SLC22A3: variants seen among roughly 807,000 people sequenced by gnomAD.
SLC22A3 encodes solute carrier family 22 member 3, also known as EMT organic cation transporter 3.
In SLC22A3, 51 loss-of-function variants were observed where a neutral mutation model predicts 59.1. That is an observed-to-expected ratio of 0.86 (90% confidence interval 0.69 to 1.09). The LOEUF (loss-of-function observed/expected upper bound fraction) is 1.09. Among genes scored for constraint, SLC22A3 ranks in the 50% least tolerant of loss-of-function variants. The pLI, the probability that SLC22A3 is intolerant of heterozygous loss-of-function variation, is 0.00. For synonymous variants in SLC22A3, 325 were observed against 292.0 expected (o/e 1.11, Z -1.15); for missense variants, 711 against 726.3 (o/e 0.98, Z 0.24).
rs1269442475 is a variant in SLC22A3 at position 160,348,696 on chromosome 6, T to C, written c.277T>C (p.Tyr93His). 31 of 1,514,446 alleles carry C rather than the reference T, an allele frequency of 2.0e-5. No individual in the cohort carries two copies. Among genetic ancestry groups the C allele is most frequent in the Non-Finnish European group, 2.7e-5 (31 of 1,139,028 alleles). 93.8% of individuals were successfully genotyped at this position (1,514,446 alleles called of 1,614,324 possible). A position where few individuals can be genotyped will look rare whatever the true frequency, so the allele number is the denominator to read the frequency against. The part of the protein sequence containing the change: ...PPERRGRCQR[Y>H]LLEAANDSAS... The stretch of plus-strand genomic sequence containing the variant: ...CGAGCGCCGCGGCCGCTGCCAGCGC[T>C]ACCTCCTGGAGGCGGCCAACGACAG... The change falls in exon 1 of 11, where the codon TAC becomes CAC. Residue 93 changes from tyrosine (Y) to histidine (H), a missense_variant. Physicochemically the swap from Tyr to His is moderately conservative, Grantham distance 83 (BLOSUM62 2). Coordinates refer to ENST00000275300, the MANE Select transcript of SLC22A3 (RefSeq NM_021977.4).
chr6:160,442,677 T>G (rs1788591674), intron 7 of SLC22A3, 84 bp from the exon 8 acceptor site: 1 of 1,033,042 alleles, frequency 9.7e-7, no homozygotes. Flanking sequence ...TGGAGGCCAC[T>G]AAGCAAATAC....
chr6:160,388,562 G>T (rs1011940501), intron 1 of SLC22A3, among the ~76,000 whole-genome samples: 3 of 152,130 alleles, frequency 2.0e-5, no homozygotes, highest in African/African-American at 7.2e-5. Flanking sequence ...TTACTAAGTT[G>T]CTGTATGTTT....
At position 160,437,226 on chromosome 6, in the gene SLC22A3, C is replaced by A; in HGVS notation, c.1288+15C>A. The A allele has an allele frequency of 6.2e-7, 1 of 1,613,218 alleles. No homozygotes were observed. Among genetic ancestry groups the A allele is most frequent in the South Asian group, 1.1e-5 (1 of 91,068 alleles). On this transcript the variant is annotated intron_variant, in intron 7 of 10. Coordinates refer to ENST00000275300, the MANE Select transcript of SLC22A3 (RefSeq NM_021977.4). ...CTTACCAGAAGGTAATCTTACCCCA[C>A]ATCTGTTTGGCAGCCAAAGGACTTG... is the stretch of plus-strand genomic sequence containing the variant.
chr6:160,366,092 T>G (rs1785195451), intron 1 of SLC22A3, among the ~76,000 whole-genome samples: 1 of 152,106 alleles, frequency 6.6e-6, no homozygotes, highest in African/African-American at 2.4e-5. Flanking sequence ...AACCATATCA[T>G]TCCACTCCTG....
intron 1 of SLC22A3, among the ~76,000 whole-genome samples, chr6:160,372,635 T>TG (rs1328785683): frequency 6.4e-4 from 98 of 152,356 alleles, no homozygotes; most frequent in Non-Finnish European, 1.0e-3. Context: ...GGTACACCAA[T>TG]CAAACGTAGG....
chr6:160,383,425 G>C (rs2114799635), intron 1 of SLC22A3, among the ~76,000 whole-genome samples: 1 of 152,232 alleles, frequency 6.6e-6, no homozygotes, highest in Non-Finnish European at 1.5e-5. Context: ...TATTGCATCT[G>C]ACCCTGGGGG....
At chr6:160,375,078 C>A (rs1205097886) in intron 1 of SLC22A3, among the ~76,000 whole-genome samples, 1 of 152,152 alleles carries the variant, frequency 6.6e-6, no homozygotes, top group African/African-American at 2.4e-5. Flanking sequence ...ACATGCTCAC[C>A]CAAAACCTTG....
intron 1 of SLC22A3, among the ~76,000 whole-genome samples, chr6:160,366,699 T>C (rs1029624755): frequency 7.9e-5 from 12 of 152,308 alleles, no homozygotes; most frequent in African/African-American, 2.6e-4. Flanking sequence ...TCCATGTGTT[T>C]CCATACATCC....
intron 1 of SLC22A3, among the ~76,000 whole-genome samples, chr6:160,384,572 C>T (rs1785924398): frequency 6.6e-6 from 1 of 152,068 alleles, no homozygotes; most frequent in African/African-American, 2.4e-5. Context: ...GCCAGGGGAG[C>T]CAGTGGGGCT....
At chr6:160,416,446 A>G (rs939963717) in intron 5 of SLC22A3, among the ~76,000 whole-genome samples, 6 of 151,204 alleles carry the variant, frequency 4.0e-5, no homozygotes, top group African/African-American at 1.2e-4. Flanking sequence ...TTTGCATACG[A>G]TAACTTTTAA....
chr6:160,350,103 C>T (rs1784611254), intron 1 of SLC22A3, among the ~76,000 whole-genome samples: 1 of 151,550 alleles, frequency 6.6e-6, no homozygotes. Flanking sequence ...AGGGATAAAA[C>T]CCATGGCAGG....
intron 1 of SLC22A3, among the ~76,000 whole-genome samples, chr6:160,381,857 A>G (rs551428691): frequency 6.6e-6 from 1 of 152,334 alleles, no homozygotes; most frequent in East Asian, 1.9e-4. Context: ...GGTGACAATA[A>G]CACTTCATTT....
At chr6:160,402,745 T>C (rs2114843052) in intron 2 of SLC22A3, among the ~76,000 whole-genome samples, 1 of 151,876 alleles carries the variant, frequency 6.6e-6, no homozygotes, top group African/African-American at 2.4e-5. Context: ...AACAGAAGGA[T>C]AGATGGAAAA....
At chr6:160,426,846 G>C (rs1053634496) in intron 5 of SLC22A3, among the ~76,000 whole-genome samples, 16 of 152,286 alleles carry the variant, frequency 1.1e-4, no homozygotes, top group African/African-American at 3.8e-4. Context: ...CTTGGGTCCT[G>C]GTGTGCAGGC....
chr6:160,387,775 A>G lies in SLC22A3; in HGVS notation c.430-10204A>G, dbSNP rs796421191. On this transcript the variant is annotated intron_variant, in intron 1 of 10. Transcript: ENST00000275300. ...AACTAGTAAAGAAAACCAAACAAAA[A>G]TCCAGAAATGTGCTCAGTTAATAGT... Among the ~76,000 whole-genome samples the G allele has an allele frequency of 5.9e-5, 9 of 152,274 alleles. 1 individual carries two copies. Among genetic ancestry groups the G allele is most frequent in the African/African-American group, 2.2e-4 (9 of 41,534 alleles).
intron 2 of SLC22A3, among the ~76,000 whole-genome samples, chr6:160,404,900 C>T (rs1284585537): frequency 6.7e-6 from 1 of 149,018 alleles, no homozygotes; most frequent in African/African-American, 2.5e-5. Context: ...AGACACAGAC[C>T]TTACACCCTT....
chr6:160,372,161 A>G (rs1785423436), intron 1 of SLC22A3, among the ~76,000 whole-genome samples: 1 of 152,090 alleles, frequency 6.6e-6, no homozygotes, highest in Admixed American at 6.5e-5. Flanking sequence ...GTACTCTTGT[A>G]TTGTGTACAT....
chr6:160,348,743 C>G lies in SLC22A3; in HGVS notation c.324C>G (p.Leu108=), dbSNP rs766552536. The G allele has an allele frequency of 6.5e-7, 1 of 1,536,740 alleles. No individual in the cohort carries two copies. The highest frequency in any genetic ancestry group is 1.2e-5 in the South Asian group (1 of 84,068). Residue 108 remains leucine (L), a synonymous_variant, in exon 1 of 11, where the codon CTC becomes CTG. Transcript: ENST00000275300. The part of the protein sequence containing the change: ...ANDSASATSA[L]SCADPLAAFP... ...ACAGCGCCTCCGCCACTAGCGCTCT[C>G]AGCTGCGCGGACCCACTCGCCGCCT...
chr6:160,360,917 G>A (rs1367951013), intron 1 of SLC22A3, among the ~76,000 whole-genome samples: 1 of 152,152 alleles, frequency 6.6e-6, no homozygotes, highest in Non-Finnish European at 1.5e-5. Context: ...ATATTTATAT[G>A]GAAGAATAAA....
Sources: gnomAD v4.1 joint callset for allele counts (sites outside exome capture counted in the v4.1 genomes callset) on GRCh38, gnomAD v4.1.1 for gene constraint, MANE v1.5 for transcripts, NCBI Gene and HGNC (gene_info 2026-07-23, HGNC 2026-07-21) for gene names.